B4GALT6: variants seen among roughly 807,000 people sequenced by gnomAD.
B4GALT6 encodes the protein beta-1,4-galactosyltransferase 6, also known as UDP-Gal:beta-GlcNAc beta-1,4-galactosyltransferase 6.
A neutral mutation model predicts 46.3 loss-of-function variants in B4GALT6; 14 were observed. The ratio of observed to expected loss-of-function variants is 0.30; its 90% confidence interval spans 0.20 to 0.47. The LOEUF (loss-of-function observed/expected upper bound fraction) is 0.47, where lower values mean the gene tolerates loss of function less well. Ranked by LOEUF, B4GALT6 falls within the 20% of genes least tolerant of loss-of-function variation. The pLI, the probability that B4GALT6 is intolerant of heterozygous loss-of-function variation, is 0.99. For synonymous variants in B4GALT6, 168 were observed against 162.0 expected (o/e 1.04, Z -0.28); for missense variants, 386 against 480.1 (o/e 0.80, Z 1.83).
chr18:31,670,372 T>C (rs1253528266), intron 1 of B4GALT6, among the ~76,000 whole-genome samples: 5 of 152,200 alleles, frequency 3.3e-5, no homozygotes, highest in Non-Finnish European at 5.9e-5. Context: ...TGATTTTTTA[T>C]GGTACCTCTA....
chr18:31,685,233 C>CGCGCCCGGGGTGAG (rs1415807651), upstream of B4GALT6, among the ~76,000 whole-genome samples: 1 of 150,638 alleles, frequency 6.6e-6, no homozygotes, highest in Non-Finnish European at 1.5e-5. Context: ...ATTACCGCCG[C>CGCGCCCGGGGTGAG]GCGCCCGGGG....
rs1317180588 is a variant in B4GALT6, at chr18:31,679,463, C to G, written c.115+4849G>C. On this transcript the variant is annotated intron_variant, in intron 1 of 8. Coordinates refer to ENST00000306851, the MANE Select transcript of B4GALT6 (RefSeq NM_004775.5). ...GGACCCAATGACTCTTGTAACAAAG[C>G]TAGGGAGTGAGAAGGAGGGTAGCAA... 3.3e-5 allele frequency among the ~76,000 whole-genome samples: 5 copies of G among 152,148 alleles called. No homozygotes were observed. In the East Asian group the frequency reaches 9.6e-4, roughly 29 times the overall value.
chr18:31,678,783 C>A (rs1007464218), intron 1 of B4GALT6, among the ~76,000 whole-genome samples: 2 of 152,192 alleles, frequency 1.3e-5, no homozygotes, highest in African/African-American at 4.8e-5. Context: ...GAAACCAATG[C>A]TTCTATGCCC....
At chr18:31,656,329 G>T (rs1191617269) in intron 3 of B4GALT6, among the ~76,000 whole-genome samples, 1 of 152,036 alleles carries the variant, frequency 6.6e-6, no homozygotes, top group East Asian at 1.9e-4. Context: ...TCAAAAAGAT[G>T]TTTATTTAAA....
intron 1 of B4GALT6, among the ~76,000 whole-genome samples, chr18:31,679,596 GGAGT>G (rs1244392940): frequency 7.2e-5 from 11 of 152,160 alleles, no homozygotes; most frequent in African/African-American, 2.7e-4. Flanking sequence ...TCCAGTTGAA[GGAGT>G]GAGTTTTATT....
intron 6 of B4GALT6, among the ~76,000 whole-genome samples, chr18:31,630,379 T>G (rs571432470): frequency 6.6e-6 from 1 of 152,018 alleles, no homozygotes; most frequent in East Asian, 1.9e-4. Context: ...TAACTGTTCA[T>G]TTTAAATTAT....
intron 3 of B4GALT6, among the ~76,000 whole-genome samples, chr18:31,655,581 T>G (rs1667288): frequency 0.67 from 101,918 of 152,050 alleles, 34,303 homozygotes; most frequent in South Asian, 0.8. Flanking sequence ...ACCAGAATGA[T>G]GAAGTGGCAG....
chr18:31,684,780 G>C, upstream of B4GALT6: 1 of 1,062,658 alleles, frequency 9.4e-7, no homozygotes. Flanking sequence ...AGGGGCTGCA[G>C]GTGGGAGGAG....
In B4GALT6 at chr18:31,650,684, T is replaced by C. The variant is rs115404073; in HGVS notation, c.347-5205A>G. 5.6e-3 allele frequency among the ~76,000 whole-genome samples: 849 copies of C among 152,356 alleles called. 5 individuals carry two copies. Among genetic ancestry groups the C allele is most frequent in the African/African-American group, 0.019 (807 of 41,584 alleles). On this transcript the variant is annotated intron_variant, in intron 3 of 8. Transcript: ENST00000306851. Reference sequence around the variant, plus strand: ...GAATTCTTTTTTCTCTTAAATCAGATAAAGTATATTCTGTGGTTTGCAACC... The same window carrying C: ...GAATTCTTTTTTCTCTTAAATCAGACAAAGTATATTCTGTGGTTTGCAACC...
At position 31,684,511 on chromosome 18, in the gene B4GALT6, G is replaced by T; in HGVS notation, c.-85C>A. ...CCAGGCCCTAAACTTCCATAAATGT[G>T]CTGAGAACCCCGAGACTGCAGCGGG... On this transcript the variant is annotated 5_prime_UTR_variant, in exon 1 of 9. Coordinates refer to ENST00000306851, the MANE Select transcript of B4GALT6 (RefSeq NM_004775.5). 1 of 1,547,224 alleles carries T rather than the reference G, an allele frequency of 6.5e-7. No individual in the cohort carries two copies.
At chr18:31,712,248 C>T in the B4GALT6 span, among the ~76,000 whole-genome samples, 6 of 140,756 alleles carry the variant, frequency 4.3e-5, no homozygotes, top group South Asian at 2.2e-4. Flanking sequence ...TGCAGTAGTT[C>T]GGAGTTGCCC....
chr18:31,699,279 T>TA, the B4GALT6 span, among the ~76,000 whole-genome samples: 1 of 150,934 alleles, frequency 6.6e-6, no homozygotes, highest in East Asian at 2.0e-4. Context: ...TCTTTCTTTT[T>TA]TTTTTTTTTT....
At chr18:31,642,336 C>A (rs2073940260) in intron 4 of B4GALT6, among the ~76,000 whole-genome samples, 2 of 152,270 alleles carry the variant, frequency 1.3e-5, no homozygotes, top group South Asian at 2.1e-4. Context: ...AACTACCACA[C>A]CTGGCCAAAA....
intron 1 of B4GALT6, among the ~76,000 whole-genome samples, chr18:31,674,416 A>T (rs1243128230): frequency 6.6e-6 from 1 of 152,222 alleles, no homozygotes; most frequent in African/African-American, 2.4e-5. Flanking sequence ...CTTTAATACA[A>T]AGAGGAGGAG....
chr18:31,670,428 G>GATA (rs1567980204), intron 1 of B4GALT6, among the ~76,000 whole-genome samples: 1 of 151,516 alleles, frequency 6.6e-6, no homozygotes, highest in African/African-American at 2.4e-5. Flanking sequence ...CTATTCATTA[G>GATA]ATGAAGACCA....
the B4GALT6 span, among the ~76,000 whole-genome samples, chr18:31,718,315 G>A: frequency 3.3e-5 from 5 of 152,194 alleles, no homozygotes; most frequent in East Asian, 5.8e-4. Context: ...ACAATGCACA[G>A]GACAGCTCCA....
At chr18:31,713,577 C>T in the B4GALT6 span, among the ~76,000 whole-genome samples, 8 of 152,204 alleles carry the variant, frequency 5.3e-5, no homozygotes, top group African/African-American at 1.9e-4. Flanking sequence ...CCTGCTAAGA[C>T]AGTTTGAAGC....
intron 1 of B4GALT6, among the ~76,000 whole-genome samples, chr18:31,670,775 C>CT (rs1485879905): frequency 6.6e-6 from 1 of 152,056 alleles, no homozygotes; most frequent in East Asian, 1.9e-4. Context: ...TATTATTATA[C>CT]TTTAAGTTCT....
chr18:31,705,759 A>G, the B4GALT6 span, among the ~76,000 whole-genome samples: 1 of 152,354 alleles, frequency 6.6e-6, no homozygotes, highest in South Asian at 2.1e-4. Context: ...GTGGAATTTT[A>G]TGGTAACTTG....
Sources: gnomAD v4.1 joint callset for allele counts (sites outside exome capture counted in the v4.1 genomes callset) on GRCh38, gnomAD v4.1.1 for gene constraint, MANE v1.5 for transcripts, NCBI Gene and HGNC (gene_info 2026-07-23, HGNC 2026-07-21) for gene names.